Variants in TXNDC15 observed in about 807,000 individuals in gnomAD.
TXNDC15 encodes the protein thioredoxin domain-containing protein 15.
Under a neutral mutation model 35.0 loss-of-function variants are expected in TXNDC15, and 24 were observed. That is an observed-to-expected ratio of 0.68 (90% CI 0.50 to 0.96). The LOEUF is 0.96. Ranked by LOEUF, TXNDC15 falls within the 40% of genes least tolerant of loss-of-function variation. The probability of loss-of-function intolerance (pLI) is 0.00; values close to 1 mark genes in which losing one functional copy is unlikely to be tolerated. For synonymous variants in TXNDC15, 169 were observed against 174.0 expected, an observed-to-expected ratio of 0.97 and a Z score of 0.23; for missense variants, 385 against 453.3, an observed-to-expected ratio of 0.85 and a Z score of 1.37.
intron 1 of TXNDC15, among the ~76,000 whole-genome samples, chr5:134,880,977 T>C (rs992039864): frequency 6.6e-6 from 1 of 151,942 alleles, no homozygotes; most frequent in Non-Finnish European, 1.5e-5. Context: ...TATGGATTTA[T>C]AGTTTTCACC....
intron 1 of TXNDC15, among the ~76,000 whole-genome samples, chr5:134,884,097 A>G (rs1405108424): frequency 7.3e-6 from 1 of 136,060 alleles, no homozygotes; most frequent in African/African-American, 2.7e-5. Flanking sequence ...GCAGGCACCT[A>G]TAATCCCAGC....
chr5:134,882,537 C>CTCCA (rs1405051993), intron 1 of TXNDC15, among the ~76,000 whole-genome samples: 3 of 152,250 alleles, frequency 2.0e-5, no homozygotes. Context: ...CGCCACTGCA[C>CTCCA]TCCAGCCTGG....
chr5:134,876,603 C>T (rs1302198675), intron 1 of TXNDC15, among the ~76,000 whole-genome samples: 2 of 152,132 alleles, frequency 1.3e-5, no homozygotes, highest in Non-Finnish European at 2.9e-5. Flanking sequence ...GTGCTGTTTC[C>T]TGGCAGAACC....
In TXNDC15 at chr5:134,896,417, TCAGA is replaced by T; in HGVS notation, c.883_886del (p.Thr295ValfsTer2). The T allele has an allele frequency of 6.2e-7, 1 of 1,613,620 alleles. No individual in the cohort carries two copies. Among genetic ancestry groups the T allele is most frequent in the Non-Finnish European group, 8.5e-7 (1 of 1,179,854 alleles). ...AAACACTGAAAATCTTCATTTTTAA[TCAGA>T]CAGGTATGTGGAAGTAATGTGCTGA... On this transcript the variant is annotated frameshift_variant, in exon 4 of 5. Coordinates refer to ENST00000358387, the MANE Select transcript of TXNDC15 (RefSeq NM_024715.4). LOFTEE classifies it high-confidence loss of function.
At chr5:134,880,615 G>A (rs1355088727) in intron 1 of TXNDC15, among the ~76,000 whole-genome samples, 1 of 150,124 alleles carries the variant, frequency 6.7e-6, no homozygotes, top group Non-Finnish European at 1.5e-5. Flanking sequence ...TTTTTTTTTT[G>A]TATTTTTAGT....
intron 1 of TXNDC15, among the ~76,000 whole-genome samples, chr5:134,884,923 CTT>C (rs374868238): frequency 3.9e-5 from 5 of 128,950 alleles, no homozygotes; most frequent in Admixed American, 7.9e-5. Context: ...TATACATATT[CTT>C]TTTTTTTTTT....
At position 134,888,060 on chromosome 5, in the gene TXNDC15, G is replaced by A. The variant is rs375801840; in HGVS notation, c.469G>A (p.Asp157Asn). 2.5e-5 allele frequency: 40 copies of A among 1,614,100 alleles called. No homozygotes were observed. Among genetic ancestry groups the A allele is most frequent in the Non-Finnish European group, 3.1e-5 (37 of 1,180,050 alleles). Reference protein sequence around the residue: ...YYTEPEVAESDAAPTEDSNNT... With the variant: ...YYTEPEVAESNAAPTEDSNNT... ...CACAGAGCCAGAAGTGGCGGAATCT[G>A]ACGCAGCCCCGACAGAGGACTCCAA... The change falls in exon 2 of 5, where the codon GAC becomes AAC. Residue 157 changes from aspartate (D) to asparagine (N), a missense_variant. Asp to Asn is a conservative substitution (Grantham distance 23). Transcript: ENST00000358387.
chr5:134,887,257 T>A (rs1750293842), intron 1 of TXNDC15, among the ~76,000 whole-genome samples: 1 of 152,222 alleles, frequency 6.6e-6, no homozygotes, highest in African/African-American at 2.4e-5. Context: ...CAGTCTTGGC[T>A]CACTGCAACC....
intron 1 of TXNDC15, among the ~76,000 whole-genome samples, chr5:134,875,710 C>T (rs544999460): frequency 4.3e-4 from 66 of 151,982 alleles, no homozygotes; most frequent in African/African-American, 1.6e-3. Flanking sequence ...CGCTCTGTTG[C>T]CCAGGCTGGA....
In TXNDC15 at chr5:134,887,899, A is replaced by G. The variant is rs1750308320; in HGVS notation, c.308A>G (p.Asp103Gly). The G allele has an allele frequency of 6.2e-7, 1 of 1,614,110 alleles. No individual in the cohort carries two copies. Residue 103 changes from aspartate to glycine, a missense_variant, in exon 2 of 5, where the codon GAC (aspartate) becomes GGC (glycine). By Grantham distance (94) the Asp-to-Gly change is moderately conservative. Coordinates refer to ENST00000358387, the MANE Select transcript of TXNDC15 (RefSeq NM_024715.4). ...MLSVIPGEAE[D>G]KVSSEPSGVT... is the part of the protein sequence containing the mutation. ...TCTGTGATTCCTGGGGAAGCTGAGGACAAAGTGAGTTCAGAGCCTAGCGGC... is the reference window on the plus strand; with the variant it reads ...TCTGTGATTCCTGGGGAAGCTGAGGGCAAAGTGAGTTCAGAGCCTAGCGGC...
chr5:134,874,310 G>T, upstream of TXNDC15: 1 of 784,518 alleles, frequency 1.3e-6, no homozygotes, highest in Non-Finnish European at 1.9e-6. Flanking sequence ...ACAGCTGCCA[G>T]GTGTTAAGAT....
In TXNDC15 at chr5:134,887,800, G is replaced by GC. The variant is rs780024847; in HGVS notation, c.211dup (p.Gln71ProfsTer32). ...GAGGAGCTCCTGCATGACCCGATGG[G>GC]CCAGGACAGGGCAGCAGAAGAGGCC... On this transcript the variant is annotated frameshift_variant, in exon 2 of 5. Transcript: ENST00000358387. LOFTEE classifies it high-confidence loss of function. 2.4e-5 allele frequency: 38 copies of GC among 1,614,092 alleles called. No individual in the cohort carries two copies. The highest frequency in any genetic ancestry group is 3.1e-5 in the Non-Finnish European group (37 of 1,180,048).
chr5:134,894,282 T>C (rs763534885), intron 3 of TXNDC15, among the ~76,000 whole-genome samples: 1 of 152,268 alleles, frequency 6.6e-6, no homozygotes, highest in South Asian at 2.1e-4. Context: ...CTTGAACTCC[T>C]GGGCTCAAGC....
chr5:134,881,679 G>T (rs1750148551), intron 1 of TXNDC15, among the ~76,000 whole-genome samples: 1 of 144,092 alleles, frequency 6.9e-6, no homozygotes, highest in African/African-American at 2.6e-5. Context: ...TGTCATCATG[G>T]CCCGTTCTCA....
At chr5:134,875,860 A>G (rs1205025840) in intron 1 of TXNDC15, among the ~76,000 whole-genome samples, 1 of 151,664 alleles carries the variant, frequency 6.6e-6, no homozygotes, top group East Asian at 1.9e-4. Flanking sequence ...AGTAGAGATG[A>G]TGGTCCACCA....
At chr5:134,876,460 A>G (rs957371922) in intron 1 of TXNDC15, among the ~76,000 whole-genome samples, 1 of 152,310 alleles carries the variant, frequency 6.6e-6, no homozygotes, top group Admixed American at 6.5e-5. Context: ...CTTAAGGTCT[A>G]TGAGTGGTAA....
At chr5:134,898,942 C>T (rs1468800087) in intron 4 of TXNDC15, among the ~76,000 whole-genome samples, 2 of 151,896 alleles carry the variant, frequency 1.3e-5, no homozygotes, top group Non-Finnish European at 2.9e-5. Flanking sequence ...CCAGGCATGG[C>T]GGTGTGTGTC....
chr5:134,874,530 G>A lies in TXNDC15; in HGVS notation c.103G>A (p.Val35Ile). 1 of 1,598,278 alleles carries A rather than the reference G, an allele frequency of 6.3e-7. No individual in the cohort carries two copies. The highest frequency in any genetic ancestry group is 8.5e-7 in the Non-Finnish European group (1 of 1,176,000). Residue 35 changes from valine (V) to isoleucine (I), a missense_variant and splice_region_variant, in exon 1 of 5, where the codon GTT (valine) becomes ATT (isoleucine). Transcript: ENST00000358387. Reference sequence around the variant, plus strand: ...GGGACTTCCCGTCCGCGGCGTGGAGGGTGAGTGTGGGCCGGGGGCGGTGCA... The same window carrying A: ...GGGACTTCCCGTCCGCGGCGTGGAGAGTGAGTGTGGGCCGGGGGCGGTGCA... ...VLGLPVRGVE[V>I]AEESGRLWSE...
chr5:134,897,127 T>C (rs1750505303), intron 4 of TXNDC15, among the ~76,000 whole-genome samples: 1 of 151,612 alleles, frequency 6.6e-6, no homozygotes, highest in Admixed American at 6.6e-5. Flanking sequence ...AGAGACAGGG[T>C]TTCGCCTTAT....
Sources: allele counts gnomAD v4.1 joint callset (sites outside exome capture counted in the v4.1 genomes callset), GRCh38; gene constraint gnomAD v4.1.1; transcripts MANE v1.5; gene names NCBI Gene and HGNC (gene_info 2026-07-23, HGNC 2026-07-21).